EHBP1: variants seen among roughly 807,000 people sequenced by gnomAD.
EHBP1 encodes EH domain binding protein 1, also known as EH domain-binding protein 1.
Under a neutral mutation model 144.0 loss-of-function variants are expected in EHBP1, and 55 were observed. That is an observed-to-expected ratio of 0.38 (90% CI 0.31 to 0.48). The LOEUF (loss-of-function observed/expected upper bound fraction) is 0.48, where lower values mean the gene tolerates loss of function less well. EHBP1 is among the 20% of genes least tolerant of loss of function. The pLI, the probability that EHBP1 is intolerant of heterozygous loss-of-function variation, is 0.98. For missense variants in EHBP1, 1,200 were observed against 1,364.2 expected, an observed-to-expected ratio of 0.88 and a Z score of 1.90; for synonymous variants, 469 against 472.7, an observed-to-expected ratio of 0.99 and a Z score of 0.10.
intron 1 of EHBP1, among the ~76,000 whole-genome samples, chr2:62,699,719 C>T (rs907563672): frequency 2.6e-5 from 4 of 152,202 alleles, no homozygotes; most frequent in Admixed American, 2.6e-4. Flanking sequence ...CACTGAATGT[C>T]CACACTTTGA....
At chr2:62,833,796 T>C (rs960661152) in intron 7 of EHBP1, among the ~76,000 whole-genome samples, 2 of 152,218 alleles carry the variant, frequency 1.3e-5, no homozygotes, top group African/African-American at 4.8e-5. Flanking sequence ...GTAGCTGTCA[T>C]AGGTAGTGAT....
At chr2:62,732,136 TC>T (rs761598444) in intron 2 of EHBP1, among the ~76,000 whole-genome samples, 2 of 152,190 alleles carry the variant, frequency 1.3e-5, no homozygotes, top group Admixed American at 6.5e-5. Context: ...CGGTGTTTTT[TC>T]CTCTGGCTTC....
chr2:62,911,242 G>A (rs1309063962), intron 10 of EHBP1, among the ~76,000 whole-genome samples: 5 of 151,978 alleles, frequency 3.3e-5, no homozygotes, highest in Non-Finnish European at 7.4e-5. Context: ...CTATAAAATA[G>A]GAATAATAAT....
chr2:63,012,941 C>A (rs1396083931), intron 19 of EHBP1, among the ~76,000 whole-genome samples: 1 of 151,918 alleles, frequency 6.6e-6, no homozygotes, highest in Admixed American at 6.6e-5. Context: ...GCCTACTTAG[C>A]TCTTCAAAGT....
intron 1 of EHBP1, among the ~76,000 whole-genome samples, chr2:62,695,832 C>G (rs909419910): frequency 6.6e-5 from 10 of 152,082 alleles, no homozygotes; most frequent in South Asian, 4.1e-4. Context: ...CCCACCCCAG[C>G]CTTCCAAGTA....
chr2:62,794,729 A>G lies in EHBP1; in HGVS notation c.312+23337A>G, dbSNP rs2043417355. ...TTAAACTTTTTATCATCTTACTGAA[A>G]TTAAAATACTAAACAGATAAGTCAC... is the stretch of plus-strand genomic sequence containing the variant. On this transcript the variant is annotated intron_variant, in intron 5 of 22. Transcript: ENST00000431489. Among the ~76,000 whole-genome samples, 2 of 152,052 alleles carry G rather than the reference A, an allele frequency of 1.3e-5. 1 individual carries two copies. Among genetic ancestry groups the G allele is most frequent in the South Asian group, 4.1e-4 (2 of 4,836 alleles).
intron 10 of EHBP1, among the ~76,000 whole-genome samples, chr2:62,933,358 T>C (rs1191904829): frequency 6.6e-6 from 1 of 152,154 alleles, no homozygotes; most frequent in Non-Finnish European, 1.5e-5. Flanking sequence ...TTATCAAATA[T>C]ATAATGTTAA....
At chr2:62,769,795 TAAAAAAA>T (rs70962794) in intron 4 of EHBP1, among the ~76,000 whole-genome samples, 37 of 73,886 alleles carry the variant, frequency 5.0e-4, no homozygotes, top group African/African-American at 2.0e-3. Context: ...ATGGTACTGG[TAAAAAAA>T]AAAAAAAAAA....
chr2:62,696,658 C>T (rs931558591), intron 1 of EHBP1, among the ~76,000 whole-genome samples: 7 of 151,400 alleles, frequency 4.6e-5, no homozygotes, highest in Non-Finnish European at 1.0e-4. Context: ...GGACTACAGG[C>T]GCCAGCCACC....
intron 15 of EHBP1, among the ~76,000 whole-genome samples, chr2:62,984,246 A>G (rs1208980074): frequency 6.6e-6 from 1 of 152,182 alleles, no homozygotes; most frequent in Admixed American, 6.5e-5. Flanking sequence ...CTGTCACCAG[A>G]TATCTTGGTT....
At chr2:62,915,404 T>C (rs1301330939) in intron 10 of EHBP1, among the ~76,000 whole-genome samples, 2 of 152,080 alleles carry the variant, frequency 1.3e-5, no homozygotes, top group African/African-American at 4.8e-5. Flanking sequence ...ATAGGAAAAA[T>C]AGACTTAATC....
intron 3 of EHBP1, among the ~76,000 whole-genome samples, chr2:62,752,535 G>T (rs2039847359): frequency 6.6e-6 from 1 of 152,134 alleles, no homozygotes; most frequent in Non-Finnish European, 1.5e-5. Flanking sequence ...GGATATCCTT[G>T]TTAACTTTCT....
chr2:63,028,465 T>C (rs889964655), intron 19 of EHBP1, among the ~76,000 whole-genome samples: 24 of 152,112 alleles, frequency 1.6e-4, no homozygotes, highest in African/African-American at 5.3e-4. Flanking sequence ...AGTTTTGGTC[T>C]TGCTATGTTC....
At chr2:62,864,705 T>A in intron 8 of EHBP1, 26 bp from the exon 9 acceptor site, 1 of 1,586,328 alleles carries the variant, frequency 6.3e-7, no homozygotes, top group Non-Finnish European at 8.6e-7. Flanking sequence ...TTCATGTGAT[T>A]TAATTCATCT....
chr2:62,777,096 TC>T (rs1437993986), intron 5 of EHBP1, among the ~76,000 whole-genome samples: 1 of 152,154 alleles, frequency 6.6e-6, no homozygotes, highest in African/African-American at 2.4e-5. Context: ...TGCCTCAGCC[TC>T]CCCAGTAGCT....
intron 5 of EHBP1, among the ~76,000 whole-genome samples, chr2:62,787,132 C>T (rs995708610): frequency 6.6e-6 from 1 of 152,064 alleles, no homozygotes; most frequent in Admixed American, 6.6e-5. Flanking sequence ...TGCTTATTTT[C>T]AGAAATAAGC....
intron 4 of EHBP1, among the ~76,000 whole-genome samples, chr2:62,769,151 C>G (rs1433715479): frequency 6.6e-6 from 1 of 152,154 alleles, no homozygotes; most frequent in Non-Finnish European, 1.5e-5. Flanking sequence ...GTTGGAAGTC[C>G]TGGCCAGAGC....
At chr2:63,010,055 T>A (rs1169134300) in intron 19 of EHBP1, among the ~76,000 whole-genome samples, 1 of 151,588 alleles carries the variant, frequency 6.6e-6, no homozygotes, top group East Asian at 1.9e-4. Flanking sequence ...GGGGGACTAC[T>A]GTATTCAATT....
intron 10 of EHBP1, among the ~76,000 whole-genome samples, chr2:62,924,420 A>G (rs978720719): frequency 2.6e-5 from 4 of 152,246 alleles, no homozygotes; most frequent in African/African-American, 4.8e-5. Flanking sequence ...GTTCAATGAA[A>G]CAAAAAGTTG....
Sources: gnomAD v4.1 joint callset for allele counts (sites outside exome capture counted in the v4.1 genomes callset) on GRCh38, gnomAD v4.1.1 for gene constraint, MANE v1.5 for transcripts, NCBI Gene and HGNC (gene_info 2026-07-23, HGNC 2026-07-21) for gene names.